Variants in ACSM3 observed in about 807,000 individuals in gnomAD.
ACSM3 encodes acyl-coenzyme A synthetase ACSM3, mitochondrial.
A neutral mutation model predicts 74.1 loss-of-function variants in ACSM3; 61 were observed. That is an observed-to-expected ratio of 0.82 (90% CI 0.67 to 1.02). The LOEUF is 1.02. Among genes scored for constraint, ACSM3 ranks in the 50% least tolerant of loss-of-function variants. The pLI is 0.00. For synonymous variants in ACSM3, 213 were observed against 241.5 expected, an observed-to-expected ratio of 0.88 and a Z score of 1.09; for missense variants, 660 against 697.0, an observed-to-expected ratio of 0.95 and a Z score of 0.60.
chr16:20,784,222 C>T (rs1351569640), intron 7 of ACSM3, among the ~76,000 whole-genome samples: 2 of 152,166 alleles, frequency 1.3e-5, no homozygotes, highest in Non-Finnish European at 2.9e-5. Context: ...TAGCCACTAA[C>T]CACAGCTAGT....
At chr16:20,770,342 T>G (rs950559199) in intron 2 of ACSM3, 89 bp downstream of exon 2, 1 of 1,201,806 alleles carries the variant, frequency 8.3e-7, no homozygotes, top group African/African-American at 1.5e-5. Context: ...GAAATATTTT[T>G]GTTGCCATGA....
intron 12 of ACSM3, among the ~76,000 whole-genome samples, chr16:20,794,794 A>G (rs1189216961): frequency 6.6e-6 from 1 of 152,154 alleles, no homozygotes; most frequent in Non-Finnish European, 1.5e-5. Flanking sequence ...AGATTACCTA[A>G]CTTGTCCAAC....
chr16:20,750,482 C>T (rs11646463), intron 2 of ACSM3, among the ~76,000 whole-genome samples: 19,766 of 152,086 alleles, frequency 0.13, 1,356 homozygotes, highest in East Asian at 0.21. Flanking sequence ...CCCTCTCTCT[C>T]GTTTCTTGTC....
At chr16:20,784,853 T>G (rs1236735188) in intron 7 of ACSM3, 131 bp from the exon 8 acceptor site, 3 of 901,988 alleles carry the variant, frequency 3.3e-6, no homozygotes, top group South Asian at 3.8e-5. Flanking sequence ...TAAAATGGTT[T>G]GTTTTGTGCT....
At chr16:20,753,053 A>G (rs2080000428) in intron 2 of ACSM3, among the ~76,000 whole-genome samples, 1 of 152,194 alleles carries the variant, frequency 6.6e-6, no homozygotes, top group South Asian at 2.1e-4. Flanking sequence ...AAGAAAAAGA[A>G]GAGAGAGATG....
intron 1 of ACSM3, chr16:20,728,015 G>C (rs2079812775): frequency 5.9e-6 from 1 of 169,810 alleles, no homozygotes; most frequent in Non-Finnish European, 1.3e-5. Flanking sequence ...ACCCATGTTT[G>C]AGAACTACTG....
intron 1 of ACSM3, among the ~76,000 whole-genome samples, chr16:20,712,123 A>G (rs927888874): frequency 6.6e-6 from 1 of 152,114 alleles, no homozygotes; most frequent in Non-Finnish European, 1.5e-5. Flanking sequence ...CCTCGCAAGT[A>G]GCTGGGATTA....
chr16:20,738,857 A>G (rs1230528091), intron 1 of ACSM3: 1 of 1,604,620 alleles, frequency 6.2e-7, no homozygotes, highest in Non-Finnish European at 8.5e-7. Context: ...AGATACCCAG[A>G]TGTTATGAGA....
chr16:20,700,175 C>T (rs1158228913), intron 1 of ACSM3, among the ~76,000 whole-genome samples: 1 of 152,186 alleles, frequency 6.6e-6, no homozygotes, highest in Non-Finnish European at 1.5e-5. Flanking sequence ...GCTTTTTGAA[C>T]TTGCTATCGT....
At chr16:20,788,251 T>A (rs973437958) in intron 9 of ACSM3, among the ~76,000 whole-genome samples, 1 of 152,240 alleles carries the variant, frequency 6.6e-6, no homozygotes, top group Non-Finnish European at 1.5e-5. Context: ...AGCACACTCA[T>A]GTCTGCATTA....
intron 1 of ACSM3, among the ~76,000 whole-genome samples, chr16:20,702,603 A>G (rs2079716680): frequency 6.6e-6 from 1 of 152,200 alleles, no homozygotes; most frequent in Non-Finnish European, 1.5e-5. Context: ...GGCTGAATAA[A>G]TATCTCCTAT....
intron 1 of ACSM3, among the ~76,000 whole-genome samples, chr16:20,749,061 C>T (rs2079970531): frequency 6.6e-6 from 1 of 151,038 alleles, no homozygotes; most frequent in South Asian, 2.1e-4. Flanking sequence ...ACTCCGTCTC[C>T]ACAAAAAAAG....
chr16:20,738,825 A>C, intron 1 of ACSM3: 1 of 1,534,262 alleles, frequency 6.5e-7, no homozygotes, highest in Non-Finnish European at 8.9e-7. Flanking sequence ...CCATTTTGTA[A>C]GCAGTATTCC....
At chr16:20,755,761 A>C (rs2080024649) in intron 3 of ACSM3, 1 of 135,106 alleles carries the variant, frequency 7.4e-6, no homozygotes, top group African/African-American at 2.7e-5. Context: ...CATTAGGTAT[A>C]TCTCCTAATG....
chr16:20,791,034 A>C (rs1298640912), intron 10 of ACSM3: 1 of 1,248,476 alleles, frequency 8.0e-7, no homozygotes, highest in African/African-American at 1.5e-5. Context: ...CTTTTCGGGA[A>C]GAGTGAGAGG....
chr16:20,675,328 G>A (rs550304108), intron 1 of ACSM3, among the ~76,000 whole-genome samples: 108 of 152,328 alleles, frequency 7.1e-4, no homozygotes, highest in African/African-American at 2.5e-3. Flanking sequence ...GGGAGGCACA[G>A]ATCCCTTAGC....
chr16:20,761,690 G>C (rs895358444), upstream of ACSM3, among the ~76,000 whole-genome samples: 2 of 152,192 alleles, frequency 1.3e-5, no homozygotes, highest in African/African-American at 2.4e-5. Context: ...ATTGGTTGCA[G>C]TAGGTGCCAG....
At chr16:20,761,506 C>T (rs554658386), upstream of ACSM3, among the ~76,000 whole-genome samples, 55 of 152,300 alleles carry the variant, frequency 3.6e-4, 1 homozygote, top group East Asian at 9.6e-3. Context: ...GACACCCAAG[C>T]TGGTGTCCAC....
chr16:20,718,869 C>T (rs1000560519), intron 1 of ACSM3, among the ~76,000 whole-genome samples: 1 of 152,184 alleles, frequency 6.6e-6, no homozygotes, highest in African/African-American at 2.4e-5. Flanking sequence ...ACTTAATTCA[C>T]TTCATTGTAT....
Sources: gnomAD v4.1 joint callset for allele counts (sites outside exome capture counted in the v4.1 genomes callset) on GRCh38, gnomAD v4.1.1 for gene constraint, MANE v1.5 for transcripts, NCBI Gene and HGNC (gene_info 2026-07-23, HGNC 2026-07-21) for gene names.